P2RX3: variants seen among roughly 807,000 people sequenced by gnomAD.
P2RX3 encodes the protein purinergic receptor P2X 3, also known as P2X purinoceptor 3.
Under a neutral mutation model 51.5 loss-of-function variants are expected in P2RX3, and 41 were observed. The ratio of observed to expected loss-of-function variants is 0.80; its 90% CI spans 0.62 to 1.03. The LOEUF (loss-of-function observed/expected upper bound fraction) is 1.03. Among genes scored for constraint, P2RX3 ranks in the 50% least tolerant of loss-of-function variants. P2RX3 has a pLI of 0.00. For missense variants in P2RX3, 459 were observed against 522.1 expected (o/e 0.88, Z 1.18); for synonymous variants, 185 against 191.6 (o/e 0.97, Z 0.29).
chr11:57,360,588 G>T (rs2134439346), intron 8 of P2RX3, among the ~76,000 whole-genome samples: 1 of 151,748 alleles, frequency 6.6e-6, no homozygotes, highest in Middle Eastern at 3.4e-3. Context: ...AGGTCAGGAT[G>T]GAGACCATCC....
Position 57,368,482 on chromosome 11 carries a change from G to GC in P2RX3, c.1002+48dup, listed in dbSNP as rs747281667. ...GCTCTGACGGGCCAGTCAGAGTGGG[G>GC]CCCGGACTGGTACCAGCAGGCAGGG... On this transcript the variant is annotated intron_variant, in intron 10 of 11. Coordinates refer to ENST00000263314, the MANE Select transcript of P2RX3 (RefSeq NM_002559.5). 3.1e-6 allele frequency: 5 copies of GC among 1,601,770 alleles called. No individual in the cohort carries two copies. The South Asian group carries it at 5.5e-5, about 18-fold the overall frequency.
At chr11:57,361,042 C>T (rs547535209) in intron 8 of P2RX3, among the ~76,000 whole-genome samples, 1 of 152,100 alleles carries the variant, frequency 6.6e-6, no homozygotes, top group Non-Finnish European at 1.5e-5. Context: ...AAGGTGAAGT[C>T]ACTAAACATG....
At position 57,364,283 on chromosome 11, in the gene P2RX3, A is replaced by G. The variant is rs193120830; in HGVS notation, c.843-3726A>G. ...GACACAGTATTTAGAAGGCTTTGAT[A>G]TCTTGCACAAGGGCTGCGTTATCCT... On this transcript the variant is annotated intron_variant, in intron 8 of 11. Transcript: ENST00000263314. 8.5e-5 allele frequency among the ~76,000 whole-genome samples: 13 copies of G among 152,332 alleles called. 1 individual carries two copies. The East Asian group carries it at 1.9e-3, about 23-fold the overall frequency.
At chr11:57,352,287 T>G (rs1319188360) in intron 8 of P2RX3, among the ~76,000 whole-genome samples, 1 of 152,174 alleles carries the variant, frequency 6.6e-6, no homozygotes, top group African/African-American at 2.4e-5. Flanking sequence ...GAAGAATCTT[T>G]AAAAATTGAA....
chr11:57,348,088 T>TG, intron 4 of P2RX3, 82 bp from the exon 5 acceptor site: 1 of 1,225,348 alleles, frequency 8.2e-7, no homozygotes. Flanking sequence ...GGGTCCCTGA[T>TG]GGGGGGAAGG....
At chr11:57,356,315 A>G (rs1856630532) in intron 8 of P2RX3, among the ~76,000 whole-genome samples, 1 of 152,252 alleles carries the variant, frequency 6.6e-6, no homozygotes, top group East Asian at 1.9e-4. Flanking sequence ...TCTAAGAGAT[A>G]TACCTGGTAG....
In P2RX3 at chr11:57,370,066, G is replaced by GA. The variant is rs1162364344; in HGVS notation, c.*69_*70insA. ...CCCACAGAGGACCCTGCCTGAGCAA[G>GA]GGGCATGGGAGGGAAGAGGGGCTCT... On this transcript the variant is annotated 3_prime_UTR_variant, in exon 12 of 12. Transcript: ENST00000263314. 1.0e-5 allele frequency: 10 copies of GA among 963,128 alleles called. No homozygotes were observed. In the African/African-American group the frequency reaches 3.3e-4, roughly 32 times the overall value. 59.7% of individuals were successfully genotyped at this position (963,128 alleles called of 1,614,324 possible). A position where few individuals can be genotyped will look rare whatever the true frequency, so the allele number is the denominator to read the frequency against.
At chr11:57,363,417 C>G (rs1201348697) in intron 8 of P2RX3, among the ~76,000 whole-genome samples, 1 of 152,088 alleles carries the variant, frequency 6.6e-6, no homozygotes, top group African/African-American at 2.4e-5. Flanking sequence ...GGGTGGGGAG[C>G]GCCATGCAGT....
In P2RX3 at chr11:57,369,927, T is replaced by C; in HGVS notation, c.1124T>C (p.Val375Ala). The C allele has an allele frequency of 6.2e-7, 1 of 1,614,046 alleles. No homozygotes were observed. The highest frequency in any genetic ancestry group is 1.3e-5 in the African/African-American group (1 of 75,038). Reference sequence around the variant, plus strand: ...AAAATCGCGGCTTTGACCAACCCAGTGTACCCCAGCGACCAGACCACAGCG... The same window carrying C: ...AAAATCGCGGCTTTGACCAACCCAGCGTACCCCAGCGACCAGACCACAGCG... ...TLKIAALTNP[V>A]YPSDQTTAEK... The change falls in exon 12 of 12, where the codon GTG becomes GCG. Residue 375 changes from valine (V) to alanine (A), a missense_variant. Physicochemically the swap from Val to Ala is moderately conservative, Grantham distance 64. Coordinates refer to ENST00000263314, the MANE Select transcript of P2RX3 (RefSeq NM_002559.5).
rs1856275079 is a variant in P2RX3 at position 57,338,456 on chromosome 11, C to T, written c.-95C>T. On this transcript the variant is annotated 5_prime_UTR_variant, in exon 1 of 12. Transcript: ENST00000263314. ...TCCAACCCCTCTAAGCTGCCCCCTC[C>T]AGGTCGTGATCTCGTCTCCCTGTCC... 1 of 744,452 alleles carries T rather than the reference C, an allele frequency of 1.3e-6. No individual in the cohort carries two copies. The highest frequency in any genetic ancestry group is 1.9e-5 in the Admixed American group (1 of 53,150). The allele number at this position is 744,452 out of a possible 1,614,324, so 46.1% of individuals were successfully genotyped here.
In P2RX3 at chr11:57,370,229, G is replaced by A. The variant is rs1856864183; in HGVS notation, c.*232G>A. On this transcript the variant is annotated 3_prime_UTR_variant, in exon 12 of 12. Coordinates refer to ENST00000263314, the MANE Select transcript of P2RX3 (RefSeq NM_002559.5). The stretch of plus-strand genomic sequence containing the variant: ...TTGCCTGGCCCCATCTGCTTCCTAG[G>A]ACCCCTGGGGCAGGAGCACCTGAGC... The A allele has an allele frequency of 5.7e-6, 3 of 523,800 alleles. No homozygotes were observed. In the Admixed American group the frequency reaches 9.9e-5, roughly 17 times the overall value. The allele number at this position is 523,800 out of a possible 1,614,324, so 32.4% of individuals were successfully genotyped here.
chr11:57,344,607 G>A lies in P2RX3; in HGVS notation c.120-1937G>A, dbSNP rs369146043. Among the ~76,000 whole-genome samples the A allele has an allele frequency of 1.8e-3, 273 of 152,292 alleles. 1 individual carries two copies. Among genetic ancestry groups the A allele is most frequent in the African/African-American group, 5.6e-3 (234 of 41,558 alleles). On this transcript the variant is annotated intron_variant, in intron 1 of 11. Coordinates refer to ENST00000263314, the MANE Select transcript of P2RX3 (RefSeq NM_002559.5). ...CCAGCTACTCAGGAGGCTGAGGCACGAGAATCACTTGAGCCCGGGAGGCAG... is the reference window on the plus strand; with the variant it reads ...CCAGCTACTCAGGAGGCTGAGGCACAAGAATCACTTGAGCCCGGGAGGCAG...
At position 57,370,090 on chromosome 11, in the gene P2RX3, C is replaced by G. The variant is rs1856861996; in HGVS notation, c.*93C>G. ...AGGGGCATGGGAGGGAAGAGGGGCTCTCATTTCTGCTGCTCATTCCATGAG... is the reference window on the plus strand; with the variant it reads ...AGGGGCATGGGAGGGAAGAGGGGCTGTCATTTCTGCTGCTCATTCCATGAG... On this transcript the variant is annotated 3_prime_UTR_variant, in exon 12 of 12. Coordinates refer to ENST00000263314, the MANE Select transcript of P2RX3 (RefSeq NM_002559.5). 20 of 851,040 alleles carry G rather than the reference C, an allele frequency of 2.4e-5. No individual in the cohort carries two copies. In the East Asian group the frequency reaches 4.8e-4, roughly 20 times the overall value. The allele number at this position is 851,040 out of a possible 1,614,324, so 52.7% of individuals were successfully genotyped here.
chr11:57,342,551 T>G, intron 1 of P2RX3, among the ~76,000 whole-genome samples: 1 of 151,998 alleles, frequency 6.6e-6, no homozygotes, highest in Non-Finnish European at 1.5e-5. Context: ...CGTAGAGCAC[T>G]TGGTTAGAAG....
intron 4 of P2RX3, 61 bp from the exon 5 acceptor site, chr11:57,348,109 G>A: frequency 1.4e-6 from 2 of 1,407,508 alleles, no homozygotes; most frequent in Non-Finnish European, 1.9e-6. Flanking sequence ...GAAGAGGGAG[G>A]AAGGAAAGGG....
At chr11:57,336,360 A>C (rs1163793110), upstream of P2RX3, among the ~76,000 whole-genome samples, 2 of 152,084 alleles carry the variant, frequency 1.3e-5, no homozygotes, top group African/African-American at 4.8e-5. Context: ...TCACATCCTT[A>C]ACCGAAAATT....
At chr11:57,341,084 T>C (rs2134405408) in intron 1 of P2RX3, among the ~76,000 whole-genome samples, 1 of 152,294 alleles carries the variant, frequency 6.6e-6, no homozygotes, top group African/African-American at 2.4e-5. Context: ...AACCCGTGTG[T>C]CTGTGTGCAC....
intron 4 of P2RX3, among the ~76,000 whole-genome samples, chr11:57,347,840 AT>A (rs1418215115): frequency 6.6e-6 from 1 of 152,068 alleles, no homozygotes; most frequent in African/African-American, 2.4e-5. Context: ...GATGAATAGG[AT>A]TTGGCAGGAC....
At chr11:57,345,079 A>C (rs1856407739) in intron 1 of P2RX3, among the ~76,000 whole-genome samples, 1 of 152,228 alleles carries the variant, frequency 6.6e-6, no homozygotes, top group Non-Finnish European at 1.5e-5. Context: ...GACTTTCCGC[A>C]GCAGGCGGTT....
Sources: allele counts gnomAD v4.1 joint callset (sites outside exome capture counted in the v4.1 genomes callset), GRCh38; gene constraint gnomAD v4.1.1; transcripts MANE v1.5; gene names NCBI Gene and HGNC (gene_info 2026-07-23, HGNC 2026-07-21).